The following PCSK1 variants were observed in gnomAD, a reference collection of about 807,000 sequenced individuals.
PCSK1 encodes the protein neuroendocrine convertase 1.
A neutral mutation model predicts 90.6 loss-of-function variants in PCSK1; 56 were observed. The observed-to-expected ratio is 0.62, with a 90% confidence interval of 0.50 to 0.77. PCSK1 has a LOEUF of 0.77. PCSK1 is among the 30% of genes least tolerant of loss of function. PCSK1 has a pLI of 0.00. For synonymous variants in PCSK1, 348 were observed against 342.4 expected (o/e 1.02, Z -0.18); for missense variants, 801 against 932.6 (o/e 0.86, Z 1.84).
At chr5:96,409,384 G>A (rs918913289) in intron 8 of PCSK1, among the ~76,000 whole-genome samples, 9 of 152,136 alleles carry the variant, frequency 5.9e-5, no homozygotes, top group African/African-American at 2.2e-4. Flanking sequence ...AGAGGGCTGC[G>A]GAAGCAAGGT....
intron 2 of PCSK1, among the ~76,000 whole-genome samples, chr5:96,426,682 AC>A (rs1230748687): frequency 2.0e-5 from 3 of 152,136 alleles, no homozygotes; most frequent in African/African-American, 7.2e-5. Flanking sequence ...ATAATTCTAT[AC>A]TCTTATTTTT....
rs1305937187 is a variant in PCSK1, at chr5:96,394,864, C to G, written c.1884G>C (p.Glu628Asp). 1.2e-6 allele frequency: 2 copies of G among 1,614,026 alleles called. No individual in the cohort carries two copies. Among genetic ancestry groups the G allele is most frequent in the Admixed American group, 1.7e-5 (1 of 60,020 alleles). The change falls in exon 13 of 14, where the codon GAG (glutamate) becomes GAC (aspartate). Residue 628 changes from glutamate to aspartate, a missense_variant and splice_region_variant. Transcript: ENST00000311106. The part of the protein sequence containing the change: ...RGVEKMVDPG[E>D]EQPTQENPKE... ...ATGCCAAGAACAGAGCCACACAGAC[C>G]TCCCCTGGATCCACCATCTTCTCCA...
At chr5:96,429,599 C>T (rs184669618) in intron 1 of PCSK1, among the ~76,000 whole-genome samples, 2 of 152,266 alleles carry the variant, frequency 1.3e-5, no homozygotes, top group Admixed American at 1.3e-4. Flanking sequence ...GATCCCTTCT[C>T]TTCTCCCACC....
rs933387247 is a variant in PCSK1, at chr5:96,423,309, T to G, written c.543+4A>C. The G allele has an allele frequency of 1.8e-5, 29 of 1,605,948 alleles. No individual in the cohort carries two copies. Among genetic ancestry groups the G allele is most frequent in the Non-Finnish European group, 2.2e-5 (26 of 1,175,582 alleles). On this transcript the variant is annotated splice_donor_region_variant and intron_variant, in intron 4 of 13. Coordinates refer to ENST00000311106, the MANE Select transcript of PCSK1 (RefSeq NM_000439.5). ...GTCACAGTCATGAGAAGGCACACACTTACATAGTTGGCATAAATGTCCGTG... is the reference window on the plus strand; with the variant it reads ...GTCACAGTCATGAGAAGGCACACACGTACATAGTTGGCATAAATGTCCGTG...
chr5:96,401,285 GTAGAGTGTTAAGAAGTGGAGA>G (rs1407104530), intron 9 of PCSK1, among the ~76,000 whole-genome samples: 3 of 152,236 alleles, frequency 2.0e-5, no homozygotes, highest in African/African-American at 7.2e-5. Flanking sequence ...TTGACAGGGG[GTAGAGTGTTAAGAAGTGGAGA>G]TAGAGAAGAA....
chr5:96,406,932 G>A (rs1760591126), intron 9 of PCSK1, among the ~76,000 whole-genome samples: 1 of 152,188 alleles, frequency 6.6e-6, no homozygotes, highest in East Asian at 1.9e-4. Flanking sequence ...GTGATGTGCA[G>A]TGTGAGACAG....
At chr5:96,402,700 T>C (rs557184833) in intron 9 of PCSK1, among the ~76,000 whole-genome samples, 1 of 152,244 alleles carries the variant, frequency 6.6e-6, no homozygotes, top group Admixed American at 6.5e-5. Context: ...TAGCAGTAAG[T>C]GACTAAAGGC....
At chr5:96,397,119 T>C (rs1175909209) in intron 12 of PCSK1, among the ~76,000 whole-genome samples, 1 of 152,196 alleles carries the variant, frequency 6.6e-6, no homozygotes, top group Non-Finnish European at 1.5e-5. Flanking sequence ...TAAGTGTTTT[T>C]CCCCCTCTTA....
At chr5:96,404,608 T>C (rs1187435400) in intron 9 of PCSK1, among the ~76,000 whole-genome samples, 1 of 152,154 alleles carries the variant, frequency 6.6e-6, no homozygotes, top group African/African-American at 2.4e-5. Context: ...TGCATGTTCA[T>C]TTATCAGCCT....
Position 96,412,342 on chromosome 5 carries a change from C to T in PCSK1, c.858G>A (p.Lys286=), listed in dbSNP as rs1056919383. ...TVEGPGRLAQ[K]AFEYGVKQGR... is the part of the protein sequence containing the mutation. ...CCTGTTTGACACCATATTCAAAAGC[C>T]TTCTGGGCTAGCCGGCCAGGCCCCT... The change falls in exon 7 of 14, where the codon AAG becomes AAA. Residue 286 remains lysine, a synonymous_variant. Coordinates refer to ENST00000311106, the MANE Select transcript of PCSK1 (RefSeq NM_000439.5). 1 of 1,614,148 alleles carries T rather than the reference C, an allele frequency of 6.2e-7. No homozygotes were observed. Among genetic ancestry groups the T allele is most frequent in the Non-Finnish European group, 8.5e-7 (1 of 1,180,020 alleles).
intron 3 of PCSK1, 72 bp downstream of exon 3, chr5:96,425,748 T>C (rs1199305847): frequency 6.1e-6 from 5 of 816,550 alleles, no homozygotes; most frequent in Admixed American, 4.1e-5. Context: ...AAAAAATCCA[T>C]GTTGCAAATG....
intron 9 of PCSK1, among the ~76,000 whole-genome samples, chr5:96,401,415 C>T (rs1760370528): frequency 6.6e-6 from 1 of 152,072 alleles, no homozygotes; most frequent in Non-Finnish European, 1.5e-5. Context: ...GAGTATTGGG[C>T]CAGAGCGATG....
chr5:96,425,729 A>C (rs1246443803), intron 3 of PCSK1, 91 bp downstream of exon 3: 5 of 19,024 alleles, frequency 2.6e-4, no homozygotes, highest in East Asian at 4.9e-3. Flanking sequence ...TCTCCATCAT[A>C]AAAAAAAAAA....
intron 9 of PCSK1, 130 bp from the exon 10 acceptor site, chr5:96,400,316 A>C: frequency 5.6e-6 from 4 of 716,024 alleles, no homozygotes; most frequent in Non-Finnish European, 1.0e-5. Flanking sequence ...ATGTTATTCT[A>C]GTGTCTATTA....
chr5:96,429,371 G>A, intron 1 of PCSK1, 54 bp from the exon 2 acceptor site: 2 of 977,194 alleles, frequency 2.0e-6, no homozygotes, highest in Non-Finnish European at 3.3e-6. Flanking sequence ...AAGTATATAT[G>A]GACTAGTTTA....
At position 96,425,874 on chromosome 5, in the gene PCSK1, C is replaced by T. The variant is rs779742142; in HGVS notation, c.342G>A (p.Arg114=). 1 of 1,612,772 alleles carries T rather than the reference C, an allele frequency of 6.2e-7. No homozygotes were observed. Among genetic ancestry groups the T allele is most frequent in the Non-Finnish European group, 8.5e-7 (1 of 1,178,856 alleles). The change falls in exon 3 of 14, where the codon AGG becomes AGA. Residue 114 remains arginine (R), a synonymous_variant. Transcript: ENST00000311106. ...CATTGAAGAGATTTAGTGCTGAGTC[C>T]CTTAGAGCTGAACGTTTACTTCTTT... is the stretch of plus-strand genomic sequence containing the variant. The part of the protein sequence containing the change: ...EKERSKRSAL[R]DSALNLFNDP...
intron 12 of PCSK1, among the ~76,000 whole-genome samples, chr5:96,395,647 AG>A (rs1760112007): frequency 1.3e-5 from 2 of 151,606 alleles, no homozygotes; most frequent in Admixed American, 1.3e-4. Flanking sequence ...GTCAGGGAGT[AG>A]GGGGCAAGGG....
At chr5:96,413,846 G>A (rs1760852241) in intron 6 of PCSK1, among the ~76,000 whole-genome samples, 1 of 148,574 alleles carries the variant, frequency 6.7e-6, no homozygotes, top group African/African-American at 2.5e-5. Flanking sequence ...TCGGCCAGGT[G>A]CGGTGGCTCA....
At chr5:96,394,840 T>A in intron 13 of PCSK1, 24 bp downstream of exon 13, 1 of 1,612,148 alleles carries the variant, frequency 6.2e-7, no homozygotes, top group Non-Finnish European at 8.5e-7. Context: ...AAAGAGAGCA[T>A]GCCAAGAACA....
Sources: allele counts gnomAD v4.1 joint callset (sites outside exome capture counted in the v4.1 genomes callset), GRCh38; gene constraint gnomAD v4.1.1; transcripts MANE v1.5; gene names NCBI Gene and HGNC (gene_info 2026-07-23, HGNC 2026-07-21).